CACNA2D3: variants seen among roughly 807,000 people sequenced by gnomAD.
CACNA2D3 encodes voltage-dependent calcium channel subunit alpha-2/delta-3.
A neutral mutation model predicts 160.6 loss-of-function variants in CACNA2D3; 60 were observed. The ratio of observed to expected loss-of-function variants is 0.37; its 90% CI spans 0.30 to 0.46. The LOEUF (loss-of-function observed/expected upper bound fraction) is 0.46, where lower values mean the gene tolerates loss of function less well. Among genes scored for constraint, CACNA2D3 ranks in the 20% least tolerant of loss-of-function variants. The pLI is 1.00. For missense variants in CACNA2D3, 1,205 were observed against 1,365.0 expected (o/e 0.88, Z 1.85); for synonymous variants, 558 against 492.9 (o/e 1.13, Z -1.75).
At chr3:54,949,312 A>G (rs1388326428) in intron 27 of CACNA2D3, among the ~76,000 whole-genome samples, 4 of 152,178 alleles carry the variant, frequency 2.6e-5, no homozygotes, top group African/African-American at 4.8e-5. Flanking sequence ...CCCAAAGGAA[A>G]TGGTCTAGGT....
chr3:54,505,039 T>G (rs907149525), intron 5 of CACNA2D3, among the ~76,000 whole-genome samples: 6 of 152,198 alleles, frequency 3.9e-5, no homozygotes, highest in Non-Finnish European at 5.9e-5. Context: ...ATTAAAGATA[T>G]TCCAACTAAC....
At chr3:54,572,986 G>A (rs1437948634) in intron 8 of CACNA2D3, among the ~76,000 whole-genome samples, 1 of 152,088 alleles carries the variant, frequency 6.6e-6, no homozygotes, top group Non-Finnish European at 1.5e-5. Context: ...ACTCAATAAA[G>A]AAGAGAGGGT....
At chr3:54,586,666 C>T (rs1702768149) in intron 9 of CACNA2D3, among the ~76,000 whole-genome samples, 1 of 152,120 alleles carries the variant, frequency 6.6e-6, no homozygotes, top group Admixed American at 6.5e-5. Flanking sequence ...ACACCATCAA[C>T]CAATGAGATT....
At chr3:54,130,496 G>A (rs1868513) in intron 2 of CACNA2D3, among the ~76,000 whole-genome samples, 58,859 of 151,982 alleles carry the variant, frequency 0.39, 11,556 homozygotes, top group East Asian at 0.6. Flanking sequence ...AACAGGTAAC[G>A]CTCAATGCTG....
At chr3:54,813,565 G>A (rs1052894515) in intron 13 of CACNA2D3, among the ~76,000 whole-genome samples, 7 of 152,098 alleles carry the variant, frequency 4.6e-5, no homozygotes, top group African/African-American at 1.4e-4. Context: ...TTGATTCAAG[G>A]ATTCAAGGCA....
At chr3:54,890,559 A>G (rs925367746) in intron 24 of CACNA2D3, among the ~76,000 whole-genome samples, 8 of 151,966 alleles carry the variant, frequency 5.3e-5, no homozygotes, top group African/African-American at 1.9e-4. Context: ...AAGAAAGGCC[A>G]TTTGCTTTTT....
At chr3:54,977,068 A>G (rs2107087202) in intron 29 of CACNA2D3, among the ~76,000 whole-genome samples, 1 of 152,294 alleles carries the variant, frequency 6.6e-6, no homozygotes, top group East Asian at 1.9e-4. Flanking sequence ...TAATTTTCCA[A>G]AGAAACAAAT....
chr3:55,023,808 A>G (rs1050023267), intron 35 of CACNA2D3, among the ~76,000 whole-genome samples: 2 of 151,866 alleles, frequency 1.3e-5, no homozygotes, highest in African/African-American at 4.8e-5. Flanking sequence ...TTTCCTAAGC[A>G]GCATGTAGTT....
chr3:54,715,809 G>A (rs1559556941), intron 11 of CACNA2D3, among the ~76,000 whole-genome samples: 2 of 152,162 alleles, frequency 1.3e-5, no homozygotes, highest in Non-Finnish European at 2.9e-5. Flanking sequence ...TGACAACATG[G>A]ATAAACTTGG....
At chr3:54,189,380 AT>A (rs1456790174) in intron 2 of CACNA2D3, among the ~76,000 whole-genome samples, 1 of 152,146 alleles carries the variant, frequency 6.6e-6, no homozygotes, top group African/African-American at 2.4e-5. Flanking sequence ...ACTCTCCTCC[AT>A]GGTAGATAGT....
At chr3:54,960,112 A>C (rs1701995927) in intron 27 of CACNA2D3, among the ~76,000 whole-genome samples, 1 of 152,132 alleles carries the variant, frequency 6.6e-6, no homozygotes, top group African/African-American at 2.4e-5. Flanking sequence ...TTATGAAAGA[A>C]ATGTGTGGCC....
intron 2 of CACNA2D3, among the ~76,000 whole-genome samples, chr3:54,175,613 CAAA>C (rs1163953295): frequency 6.8e-4 from 61 of 90,312 alleles, no homozygotes; most frequent in East Asian, 3.3e-3. Context: ...GACTCTGTCT[CAAA>C]AAAAAAAAAA....
rs1022299208 is a variant in CACNA2D3, at chr3:54,445,063, G to A, written c.381+58289G>A. On this transcript the variant is annotated intron_variant, in intron 4 of 37. Transcript: ENST00000474759. Reference sequence around the variant, plus strand: ...AGAATGCAGACTCCAGAGCCCACCTGTAACAGGCAGGTAGCAGATGCATGT... The same window carrying A: ...AGAATGCAGACTCCAGAGCCCACCTATAACAGGCAGGTAGCAGATGCATGT... Among the ~76,000 whole-genome samples, 3 of 152,204 alleles carry A rather than the reference G, an allele frequency of 2.0e-5. 1 individual carries two copies. In the South Asian group the frequency reaches 6.2e-4, roughly 32 times the overall value.
chr3:54,289,214 G>A (rs1327949091), intron 2 of CACNA2D3, among the ~76,000 whole-genome samples: 1 of 152,016 alleles, frequency 6.6e-6, no homozygotes, highest in Non-Finnish European at 1.5e-5. Context: ...CAAAGTCTCA[G>A]GATACAAAAT....
intron 2 of CACNA2D3, among the ~76,000 whole-genome samples, chr3:54,155,583 AT>A (rs1700231493): frequency 1.3e-5 from 2 of 152,202 alleles, no homozygotes; most frequent in Admixed American, 1.3e-4. Context: ...CAACATCGAG[AT>A]TTTGTTTTAT....
intron 5 of CACNA2D3, among the ~76,000 whole-genome samples, chr3:54,543,492 C>T (rs923070156): frequency 6.6e-6 from 1 of 152,158 alleles, no homozygotes; most frequent in Admixed American, 6.5e-5. Context: ...TTTCTACTTC[C>T]TGGCCCTCCA....
At chr3:54,866,672 T>C (rs2106811419) in intron 17 of CACNA2D3, among the ~76,000 whole-genome samples, 1 of 152,332 alleles carries the variant, frequency 6.6e-6, no homozygotes, top group East Asian at 1.9e-4. Context: ...AGGGTTTTTG[T>C]TTTATTTAAA....
At chr3:54,446,898 C>G (rs774442235) in intron 4 of CACNA2D3, among the ~76,000 whole-genome samples, 8 of 152,174 alleles carry the variant, frequency 5.3e-5, no homozygotes, top group Non-Finnish European at 1.0e-4. Context: ...AAGTGAGTGT[C>G]TCTGAACTCT....
chr3:54,356,453 T>A (rs1471905445), intron 3 of CACNA2D3, among the ~76,000 whole-genome samples: 1 of 152,218 alleles, frequency 6.6e-6, no homozygotes, highest in Admixed American at 6.5e-5. Flanking sequence ...TTGTACCTAA[T>A]GAATCTTTAT....
Sources: gnomAD v4.1 joint callset for allele counts (sites outside exome capture counted in the v4.1 genomes callset) on GRCh38, gnomAD v4.1.1 for gene constraint, MANE v1.5 for transcripts, NCBI Gene and HGNC (gene_info 2026-07-23, HGNC 2026-07-21) for gene names.